HOOK3: variants seen among roughly 807,000 people sequenced by gnomAD.
HOOK3 encodes protein Hook homolog 3.
In HOOK3, 24 loss-of-function variants were observed where a neutral mutation model predicts 116.3. The observed-to-expected ratio is 0.21, with a 90% confidence interval of 0.15 to 0.29. The LOEUF is 0.29. Among genes scored for constraint, HOOK3 ranks in the 10% least tolerant of loss-of-function variants. The pLI, the probability that HOOK3 is intolerant of heterozygous loss-of-function variation, is 1.00. For missense variants in HOOK3, 632 were observed against 830.2 expected (o/e 0.76, Z 2.93); for synonymous variants, 275 against 283.0 (o/e 0.97, Z 0.28).
At chr8:42,904,572 A>G (rs983086340) in intron 1 of HOOK3, among the ~76,000 whole-genome samples, 2 of 152,006 alleles carry the variant, frequency 1.3e-5, no homozygotes, top group Non-Finnish European at 2.9e-5. Flanking sequence ...CCGCCTCCCA[A>G]AGTGCTGGGA....
At chr8:42,897,989 G>T (rs1443484292) in intron 1 of HOOK3, among the ~76,000 whole-genome samples, 1 of 152,220 alleles carries the variant, frequency 6.6e-6, no homozygotes, top group Admixed American at 6.5e-5. Context: ...GGGAGCCTCC[G>T]TTTCACTCAT....
rs1016087961 is a variant in HOOK3 at position 43,027,085 on chromosome 8, T to A, written c.*8587T>A. The A allele has an allele frequency of 5.5e-6, 1 of 180,322 alleles. No individual in the cohort carries two copies. The highest frequency in any genetic ancestry group is 9.8e-5 in the East Asian group (1 of 10,192). 11.2% of individuals were successfully genotyped at this position (180,322 alleles called of 1,614,324 possible). A position where few individuals can be genotyped will look rare whatever the true frequency, so the allele number is the denominator to read the frequency against. On this transcript the variant is annotated 3_prime_UTR_variant, in exon 22 of 22. Coordinates refer to ENST00000307602, the MANE Select transcript of HOOK3 (RefSeq NM_032410.4). ...TTTTGTATTTTTAGTAAAGACAGGG[T>A]GTCGCCATATTGGCTAGGCTGGTTT...
chr8:42,959,191 C>T (rs2130411757), intron 7 of HOOK3, 40 bp from the exon 8 acceptor site: 2 of 1,282,792 alleles, frequency 1.6e-6, no homozygotes, highest in East Asian at 4.6e-5. Flanking sequence ...TAATTGTTAC[C>T]ACTTCATATT....
At chr8:42,966,943 C>T (rs912645812) in intron 10 of HOOK3, among the ~76,000 whole-genome samples, 2 of 152,096 alleles carry the variant, frequency 1.3e-5, no homozygotes, top group African/African-American at 4.8e-5. Context: ...TCTTCCGCCA[C>T]GCCCGCAAGG....
At position 43,018,435 on chromosome 8, in the gene HOOK3, G is replaced by A. The variant is rs1809761901; in HGVS notation, c.2094G>A (p.Gln698=). 1 of 1,613,804 alleles carries A rather than the reference G, an allele frequency of 6.2e-7. No homozygotes were observed. Among genetic ancestry groups the A allele is most frequent in the Admixed American group, 1.7e-5 (1 of 59,854 alleles). The change falls in exon 22 of 22, where the codon CAG becomes CAA. Residue 698 remains glutamine (Q), a synonymous_variant. Coordinates refer to ENST00000307602, the MANE Select transcript of HOOK3 (RefSeq NM_032410.4). ...CAGGGCAGTCATTTCTGGCGAGGCA[G>A]AGGCAAGCGACCAGCAGCAGAAGAT... ...TGSGQSFLAR[Q]RQATSSRRSY... is the part of the protein sequence containing the mutation.
intron 5 of HOOK3, among the ~76,000 whole-genome samples, chr8:42,945,508 A>T (rs764882427): frequency 6.6e-6 from 1 of 152,106 alleles, no homozygotes. Flanking sequence ...GCAGGGTTTC[A>T]TCATGTTGGT....
chr8:42,985,482 C>T (rs1321962884), intron 14 of HOOK3, among the ~76,000 whole-genome samples: 1 of 152,156 alleles, frequency 6.6e-6, no homozygotes, highest in Non-Finnish European at 1.5e-5. Context: ...AAAATGTTTG[C>T]ATGTGAGTAT....
intron 2 of HOOK3, among the ~76,000 whole-genome samples, chr8:42,909,334 C>T (rs561349401): frequency 1.3e-5 from 2 of 152,194 alleles, no homozygotes; most frequent in Non-Finnish European, 2.9e-5. Flanking sequence ...TGAGGAGATA[C>T]CTGCACTTCC....
intron 4 of HOOK3, among the ~76,000 whole-genome samples, chr8:42,940,923 TTTA>T (rs1808103157): frequency 7.7e-6 from 1 of 130,494 alleles, no homozygotes; most frequent in Non-Finnish European, 1.7e-5. Flanking sequence ...TTTTGTTTAT[TTTA>T]TTTATTTATT....
intron 2 of HOOK3, among the ~76,000 whole-genome samples, chr8:42,909,080 GAAATAT>G (rs1554508388): frequency 6.6e-6 from 1 of 152,188 alleles, no homozygotes; most frequent in Non-Finnish European, 1.5e-5. Context: ...GATCACCAGG[GAAATAT>G]AAATTAAAAC....
intron 4 of HOOK3, among the ~76,000 whole-genome samples, chr8:42,940,912 A>G (rs1284642127): frequency 6.6e-6 from 1 of 151,444 alleles, no homozygotes; most frequent in African/African-American, 2.4e-5. Context: ...TGGTCTTTTC[A>G]TTTTGTTTAT....
intron 5 of HOOK3, among the ~76,000 whole-genome samples, chr8:42,946,772 T>C (rs1808237353): frequency 6.8e-6 from 1 of 146,264 alleles, no homozygotes; most frequent in Non-Finnish European, 1.5e-5. Flanking sequence ...TCTTTTTTTT[T>C]TTTTTTTTTT....
At chr8:42,935,491 C>T (rs2130371896) in intron 4 of HOOK3, among the ~76,000 whole-genome samples, 1 of 152,210 alleles carries the variant, frequency 6.6e-6, no homozygotes, top group Non-Finnish European at 1.5e-5. Context: ...ATGGTATTGC[C>T]TAGGTTTTCT....
intron 5 of HOOK3, among the ~76,000 whole-genome samples, chr8:42,947,844 T>TTGTGTGTGTGTGTGTG (rs34254144): frequency 8.0e-5 from 12 of 150,864 alleles, no homozygotes; most frequent in African/African-American, 2.9e-4. Flanking sequence ...GTGAATGAAA[T>TTGTGTGTGTGTGTGTG]TGTGTGTGTG....
Position 43,030,011 on chromosome 8 carries a change from ATTCTTTGTC to A in HOOK3, c.*11514_*11522del, listed in dbSNP as rs1810000730. ...TTGAATTTACATTTTTCAGAATTTCATTCTTTGTCATTATAATCCAAAAACAATGTCCAC... is the reference window on the plus strand; with the variant it reads ...TTGAATTTACATTTTTCAGAATTTCAATTATAATCCAAAAACAATGTCCAC... On this transcript the variant is annotated 3_prime_UTR_variant, in exon 22 of 22. Coordinates refer to ENST00000307602, the MANE Select transcript of HOOK3 (RefSeq NM_032410.4). The A allele has an allele frequency of 1.4e-5, 3 of 213,076 alleles. No individual in the cohort carries two copies. The South Asian group carries it at 5.6e-4, about 40-fold the overall frequency. The allele number at this position is 213,076 out of a possible 1,614,324, so 13.2% of individuals were successfully genotyped here.
intron 6 of HOOK3, among the ~76,000 whole-genome samples, chr8:42,951,284 C>T (rs1808340645): frequency 6.6e-6 from 1 of 151,120 alleles, no homozygotes; most frequent in African/African-American, 2.4e-5. Flanking sequence ...TGGTCTCGAA[C>T]TCCTGAGCCT....
At chr8:42,939,574 G>C (rs1808056825) in intron 4 of HOOK3, among the ~76,000 whole-genome samples, 1 of 140,952 alleles carries the variant, frequency 7.1e-6, no homozygotes, top group Non-Finnish European at 1.6e-5. Context: ...GCGGGGGGCT[G>C]ACCCCCCCAC....
At position 43,028,485 on chromosome 8, in the gene HOOK3, T is replaced by C. The variant is rs1809973097; in HGVS notation, c.*9987T>C. 1 of 189,950 alleles carries C rather than the reference T, an allele frequency of 5.3e-6. No homozygotes were observed. Among genetic ancestry groups the C allele is most frequent in the Non-Finnish European group, 1.1e-5 (1 of 90,672 alleles). The allele number at this position is 189,950 out of a possible 1,614,324, so 11.8% of individuals were successfully genotyped here. ...TCCTTTTAAATTTATATAGATCTAA[T>C]GAACATTGCCAACAGTTTTTTTTGT... On this transcript the variant is annotated 3_prime_UTR_variant, in exon 22 of 22. Transcript: ENST00000307602.
intron 13 of HOOK3, 54 bp downstream of exon 13, chr8:42,974,248 G>A: frequency 7.6e-7 from 1 of 1,312,254 alleles, no homozygotes; most frequent in East Asian, 2.3e-5. Context: ...TTTGAGACGG[G>A]AGTTTCACTC....
Sources: gnomAD v4.1 joint callset for allele counts (sites outside exome capture counted in the v4.1 genomes callset) on GRCh38, gnomAD v4.1.1 for gene constraint, MANE v1.5 for transcripts, NCBI Gene and HGNC (gene_info 2026-07-23, HGNC 2026-07-21) for gene names.